SEC14L1: variants seen among roughly 807,000 people sequenced by gnomAD.
SEC14L1 encodes SEC14 like lipid binding 1.
A neutral mutation model predicts 85.3 loss-of-function variants in SEC14L1; 48 were observed. The observed-to-expected ratio is 0.56, with a 90% confidence interval of 0.45 to 0.72. SEC14L1 has a LOEUF of 0.72. Among genes scored for constraint, SEC14L1 ranks in the 30% least tolerant of loss-of-function variants. The pLI, the probability that SEC14L1 is intolerant of heterozygous loss-of-function variation, is 0.00. For synonymous variants in SEC14L1, 391 were observed against 355.5 expected (o/e 1.10, Z -1.12); for missense variants, 682 against 921.4 (o/e 0.74, Z 3.36).
chr17:77,216,020 G>A lies in SEC14L1; in HGVS notation c.*1997G>A, dbSNP rs1598415811. 1 of 953,838 alleles carries A rather than the reference G, an allele frequency of 1.0e-6. No individual in the cohort carries two copies. The highest frequency in any genetic ancestry group is 1.2e-6 in the Non-Finnish European group (1 of 811,308). The allele number at this position is 953,838 out of a possible 1,614,324, so 59.1% of individuals were successfully genotyped here. On this transcript the variant is annotated 3_prime_UTR_variant, in exon 17 of 17. Transcript: ENST00000436233. ...TAGGTAGGGTTCGTAGGTAGGGTTC[G>A]TAGGTAGGGCTAGTAGGTAGGGTTA...
chr17:77,206,575 G>A lies in SEC14L1; in HGVS notation c.1342-153G>A, dbSNP rs1374550188. The A allele has an allele frequency of 8.5e-7, 1 of 1,181,140 alleles. No individual in the cohort carries two copies. The highest frequency in any genetic ancestry group is 1.2e-6 in the Non-Finnish European group (1 of 841,796). 73.2% of individuals were successfully genotyped at this position (1,181,140 alleles called of 1,614,324 possible). A position where few individuals can be genotyped will look rare whatever the true frequency, so the allele number is the denominator to read the frequency against. On this transcript the variant is annotated intron_variant, in intron 12 of 16. Coordinates refer to ENST00000436233, the MANE Select transcript of SEC14L1 (RefSeq NM_001143998.2). This position sits in a 1 kb window ranked among gnomAD's most constrained non-coding sequence, Gnocchi z 4.3. ...GAAAGGGGAAAAACAAAATGTGAGTGTCCTAATGCCATGCAAATAGACTTT... is the reference window on the plus strand; with the variant it reads ...GAAAGGGGAAAAACAAAATGTGAGTATCCTAATGCCATGCAAATAGACTTT...
At chr17:77,176,538 A>G (rs1337857336) in intron 3 of SEC14L1, among the ~76,000 whole-genome samples, 2 of 152,194 alleles carry the variant, frequency 1.3e-5, no homozygotes, top group Admixed American at 6.5e-5. Flanking sequence ...TATTGACAAC[A>G]TTATTTTTTC....
In SEC14L1 at chr17:77,216,344, AGTAG is replaced by A. The variant is rs1977090145; in HGVS notation, c.*2327_*2330del. The A allele has an allele frequency of 2.5e-6, 3 of 1,214,278 alleles. No individual in the cohort carries two copies. The highest frequency in any genetic ancestry group is 2.2e-5 in the South Asian group (1 of 45,020). The allele number at this position is 1,214,278 out of a possible 1,614,324, so 75.2% of individuals were successfully genotyped here. ...GTAGGTAGGGCTAGTAGGTAGGGTT[AGTAG>A]GTAGGGCTAGTAGGTAGGGCTAGTA... On this transcript the variant is annotated 3_prime_UTR_variant, in exon 17 of 17. Coordinates refer to ENST00000436233, the MANE Select transcript of SEC14L1 (RefSeq NM_001143998.2).
chr17:77,145,208 G>C (rs1009089102), intron 3 of SEC14L1, among the ~76,000 whole-genome samples: 3 of 151,788 alleles, frequency 2.0e-5, no homozygotes, highest in Non-Finnish European at 4.4e-5. Context: ...TGGCCAGGCT[G>C]GTCTTGAACT....
intron 5 of SEC14L1, among the ~76,000 whole-genome samples, chr17:77,191,672 A>G (rs1279644408): frequency 1.3e-5 from 2 of 151,882 alleles, no homozygotes; most frequent in Non-Finnish European, 2.9e-5. Flanking sequence ...CCTCCCTAGT[A>G]GTTCGGATTA....
chr17:77,193,098 A>G (rs1199322077), intron 5 of SEC14L1, among the ~76,000 whole-genome samples: 3 of 152,226 alleles, frequency 2.0e-5, no homozygotes, highest in South Asian at 2.1e-4. Flanking sequence ...TCCAAGGCCA[A>G]TACCTCTTTG....
At chr17:77,167,596 C>T (rs1299466076) in intron 3 of SEC14L1, among the ~76,000 whole-genome samples, 1 of 152,206 alleles carries the variant, frequency 6.6e-6, no homozygotes, top group Non-Finnish European at 1.5e-5. Flanking sequence ...CATATACCTT[C>T]TCCTTCCACC....
At chr17:77,148,853 C>CT (rs1331921378) in intron 3 of SEC14L1, among the ~76,000 whole-genome samples, 1 of 152,218 alleles carries the variant, frequency 6.6e-6, no homozygotes, top group Non-Finnish European at 1.5e-5. Flanking sequence ...AGCTCCTGTG[C>CT]TTTTTTCGGC....
chr17:77,182,419 G>A (rs1384310614), intron 3 of SEC14L1, among the ~76,000 whole-genome samples: 2 of 152,284 alleles, frequency 1.3e-5, no homozygotes, highest in East Asian at 3.9e-4. Context: ...GAAGGTGGGA[G>A]GAAGCAGTTA....
intron 3 of SEC14L1, among the ~76,000 whole-genome samples, chr17:77,187,416 C>T (rs1021693671): frequency 2.0e-5 from 3 of 151,962 alleles, no homozygotes; most frequent in African/African-American, 4.8e-5. Flanking sequence ...CTCTCTCTGC[C>T]GCCCAGTTTG....
At chr17:77,183,848 T>G (rs1386823021) in intron 3 of SEC14L1, among the ~76,000 whole-genome samples, 150 of 152,316 alleles carry the variant, frequency 9.8e-4, no homozygotes, top group Non-Finnish European at 8.8e-5. Flanking sequence ...TTTTTTCGTT[T>G]AAGCGTCTAG....
At chr17:77,159,546 A>C (rs1260963582) in intron 3 of SEC14L1, among the ~76,000 whole-genome samples, 1 of 151,262 alleles carries the variant, frequency 6.6e-6, no homozygotes, top group African/African-American at 2.4e-5. Flanking sequence ...AAGCCTAGCT[A>C]ATTTTTGTAT....
chr17:77,188,866 C>T (rs1975392108), intron 3 of SEC14L1, among the ~76,000 whole-genome samples: 1 of 152,088 alleles, frequency 6.6e-6, no homozygotes, highest in Middle Eastern at 3.2e-3. Context: ...TTTGCATTTC[C>T]CTAATGGCCC....
At chr17:77,126,903 A>T (rs569082682) in intron 3 of SEC14L1, among the ~76,000 whole-genome samples, 21 of 151,824 alleles carry the variant, frequency 1.4e-4, no homozygotes, top group Admixed American at 7.9e-4. Context: ...CGAGGCTGAT[A>T]CCACTGCCGG....
At position 77,114,124 on chromosome 17, in the gene SEC14L1, C is replaced by G. The variant is rs776483676; in HGVS notation, c.-136+20777C>G. 4.6e-5 allele frequency among the ~76,000 whole-genome samples: 7 copies of G among 152,244 alleles called. No homozygotes were observed. In the East Asian group the frequency reaches 1.2e-3, roughly 25 times the overall value. Reference sequence around the variant, plus strand: ...TGTGGGTGTCAGCCTGCAATCCCCACCTGCAGCAAGATCATTTTTATAAAA... The same window carrying G: ...TGTGGGTGTCAGCCTGCAATCCCCAGCTGCAGCAAGATCATTTTTATAAAA... On this transcript the variant is annotated intron_variant, in intron 3 of 19. Coordinates refer to the SEC14L1 transcript ENST00000392476.
intron 13 of SEC14L1, among the ~76,000 whole-genome samples, chr17:77,208,191 C>T (rs1006136566): frequency 6.6e-6 from 1 of 152,208 alleles, no homozygotes; most frequent in African/African-American, 2.4e-5. Flanking sequence ...ATTTAGCTTT[C>T]ACTTCATCAG....
intron 7 of SEC14L1, among the ~76,000 whole-genome samples, chr17:77,195,895 G>A (rs1185048083): frequency 6.6e-6 from 1 of 151,656 alleles, no homozygotes; most frequent in Non-Finnish European, 1.5e-5. Context: ...TGTTCCTCTT[G>A]GAATTAAAAC....
intron 8 of SEC14L1, among the ~76,000 whole-genome samples, chr17:77,197,900 C>G (rs1289732453): frequency 1.3e-5 from 2 of 152,188 alleles, no homozygotes. Context: ...GCCACTGGGC[C>G]CAACCTCGAA....
intron 3 of SEC14L1, among the ~76,000 whole-genome samples, chr17:77,149,411 G>A (rs1044549798): frequency 2.0e-5 from 3 of 152,192 alleles, no homozygotes; most frequent in Non-Finnish European, 4.4e-5. Flanking sequence ...TATCTCCAGG[G>A]CATGATGGCG....
Sources: allele counts gnomAD v4.1 joint callset (sites outside exome capture counted in the v4.1 genomes callset), GRCh38; gene constraint gnomAD v4.1.1; non-coding constraint Gnocchi (gnomAD v3.1); transcripts MANE v1.5; gene names NCBI Gene and HGNC (gene_info 2026-07-23, HGNC 2026-07-21).